Variants in AOPEP observed in about 807,000 individuals in gnomAD.
The protein encoded by AOPEP is aminopeptidase O.
AOPEP carries 77 observed loss-of-function variants against 98.1 expected under a neutral mutation model. The observed-to-expected ratio is 0.78, with a 90% confidence interval of 0.65 to 0.95. The LOEUF (loss-of-function observed/expected upper bound fraction) is 0.95, where lower values mean the gene tolerates loss of function less well. Among genes scored for constraint, AOPEP ranks in the 40% least tolerant of loss-of-function variants. The pLI is 0.00. For synonymous variants in AOPEP, 346 were observed against 365.3 expected (o/e 0.95, Z 0.60); for missense variants, 1,024 against 1,024.7 (o/e 1.00, Z 0.01).
intron 3 of AOPEP, among the ~76,000 whole-genome samples, chr9:94,775,342 T>A (rs900743434): frequency 6.6e-6 from 1 of 152,020 alleles, no homozygotes; most frequent in African/African-American, 2.4e-5. Flanking sequence ...GATTAACGTA[T>A]GTACTGAAGT....
intron 1 of AOPEP, among the ~76,000 whole-genome samples, chr9:94,756,851 C>T (rs923616670): frequency 1.3e-5 from 2 of 152,092 alleles, no homozygotes; most frequent in African/African-American, 2.4e-5. Flanking sequence ...GGCTACCCCC[C>T]GTTCTGGAAG....
At chr9:94,977,241 C>T (rs1327623765) in intron 10 of AOPEP, among the ~76,000 whole-genome samples, 1 of 152,092 alleles carries the variant, frequency 6.6e-6, no homozygotes, top group East Asian at 1.9e-4. Context: ...AACGCACTGT[C>T]CCCACCTTAT....
At chr9:94,994,749 C>G (rs528389065) in intron 11 of AOPEP, among the ~76,000 whole-genome samples, 1 of 152,034 alleles carries the variant, frequency 6.6e-6, no homozygotes, top group African/African-American at 2.4e-5. Flanking sequence ...GTCAGGAGTT[C>G]GAGAACAGCC....
At chr9:95,021,832 A>T (rs2063481513) in intron 13 of AOPEP, 1 of 152,250 alleles carries the variant, frequency 6.6e-6, no homozygotes, top group South Asian at 2.1e-4. Flanking sequence ...CACTGTCATC[A>T]GGAGCCATCC....
chr9:94,944,081 G>T (rs1268571934), intron 7 of AOPEP, among the ~76,000 whole-genome samples: 1 of 152,064 alleles, frequency 6.6e-6, no homozygotes, highest in African/African-American at 2.4e-5. Flanking sequence ...TACCTACTAG[G>T]ATGGCTACAA....
intron 5 of AOPEP, among the ~76,000 whole-genome samples, chr9:94,825,083 A>T (rs1416437754): frequency 1.3e-5 from 2 of 152,178 alleles, no homozygotes; most frequent in East Asian, 3.8e-4. Flanking sequence ...TGCAGAAGAG[A>T]TGGCCAGGGG....
At chr9:94,823,896 A>G (rs1853853345) in intron 5 of AOPEP, among the ~76,000 whole-genome samples, 1 of 152,200 alleles carries the variant, frequency 6.6e-6, no homozygotes, top group African/African-American at 2.4e-5. Context: ...AACACCATCT[A>G]TGAAAGATAG....
intron 5 of AOPEP, among the ~76,000 whole-genome samples, chr9:94,888,732 G>A (rs1245929603): frequency 6.6e-6 from 1 of 152,118 alleles, no homozygotes. Flanking sequence ...ACTGGGAAGG[G>A]GAAGGAACGT....
the AOPEP span, chr9:95,111,352 G>A: frequency 9.1e-5 from 145 of 1,598,186 alleles, no homozygotes; most frequent in African/African-American, 1.7e-3. Context: ...CCATCTGTGG[G>A]CAGAGCTCAG....
At chr9:94,954,548 G>A (rs1159276190) in intron 7 of AOPEP, among the ~76,000 whole-genome samples, 1 of 152,218 alleles carries the variant, frequency 6.6e-6, no homozygotes, top group Admixed American at 6.5e-5. Flanking sequence ...TGGGCCACAT[G>A]TGGCCCATGG....
At chr9:95,125,006 A>T in the AOPEP span, 4 of 1,223,382 alleles carry the variant, frequency 3.3e-6, no homozygotes, top group African/African-American at 6.0e-5. Flanking sequence ...ATTATTGAAA[A>T]TAAAGTGCTC....
At chr9:95,097,916 G>A in the AOPEP span, among the ~76,000 whole-genome samples, 1 of 152,088 alleles carries the variant, frequency 6.6e-6, no homozygotes. Context: ...TAATGACTTA[G>A]GATTTTTCGA....
chr9:94,939,268 A>C (rs2137386546), intron 7 of AOPEP, among the ~76,000 whole-genome samples: 1 of 151,096 alleles, frequency 6.6e-6, no homozygotes, highest in African/African-American at 2.4e-5. Context: ...AAAAAAAAGA[A>C]GGCTTCTAAT....
chr9:95,120,365 GCTGT>G, the AOPEP span, among the ~76,000 whole-genome samples: 4 of 151,772 alleles, frequency 2.6e-5, no homozygotes, highest in African/African-American at 7.3e-5. Flanking sequence ...TCTATCTATG[GCTGT>G]CTTTTTGCCA....
chr9:94,755,600 A>G (rs1836843676), intron 1 of AOPEP, among the ~76,000 whole-genome samples: 2 of 152,212 alleles, frequency 1.3e-5, no homozygotes, highest in Non-Finnish European at 2.9e-5. Context: ...AGCTATTACA[A>G]TAAGAATTGG....
chr9:95,006,384 G>A (rs1416627724), intron 13 of AOPEP, among the ~76,000 whole-genome samples: 1 of 152,136 alleles, frequency 6.6e-6, no homozygotes, highest in Non-Finnish European at 1.5e-5. Context: ...GTGTTTTTCT[G>A]CTGCTAGAAT....
At chr9:94,906,084 A>G (rs2051098712) in intron 5 of AOPEP, among the ~76,000 whole-genome samples, 1 of 152,172 alleles carries the variant, frequency 6.6e-6, no homozygotes, top group African/African-American at 2.4e-5. Context: ...GCTCACACCT[A>G]TAATCCCAAC....
At chr9:94,739,578 A>G (rs1832594758) in intron 1 of AOPEP, among the ~76,000 whole-genome samples, 2 of 151,940 alleles carry the variant, frequency 1.3e-5, no homozygotes, top group African/African-American at 4.8e-5. Context: ...CGGGAGGTGG[A>G]AGTTGCAGTG....
intron 5 of AOPEP, among the ~76,000 whole-genome samples, chr9:94,822,936 G>C (rs1199020835): frequency 1.3e-5 from 2 of 151,808 alleles, no homozygotes; most frequent in African/African-American, 4.8e-5. Context: ...TGCCTGTGGA[G>C]CCTGCAGTCT....
Sources: gnomAD v4.1 joint callset for allele counts (sites outside exome capture counted in the v4.1 genomes callset) on GRCh38, gnomAD v4.1.1 for gene constraint, MANE v1.5 for transcripts, NCBI Gene and HGNC (gene_info 2026-07-23, HGNC 2026-07-21) for gene names.